NDST3: variants seen among roughly 807,000 people sequenced by gnomAD.
The protein encoded by NDST3 is N-deacetylase and N-sulfotransferase 3.
NDST3 carries 58 observed loss-of-function variants against 96.1 expected under a neutral mutation model. That is an observed-to-expected ratio of 0.60 (90% CI 0.49 to 0.75). NDST3 has a LOEUF of 0.75. Ranked by LOEUF, NDST3 falls within the 30% of genes least tolerant of loss-of-function variation. NDST3 has a pLI of 0.00. For missense variants in NDST3, 788 were observed against 1,034.2 expected (o/e 0.76, Z 3.27); for synonymous variants, 333 against 359.7 (o/e 0.93, Z 0.84).
chr4:118,185,690 T>C (rs1228434084), intron 6 of NDST3, among the ~76,000 whole-genome samples: 1 of 152,022 alleles, frequency 6.6e-6, no homozygotes, highest in Non-Finnish European at 1.5e-5. Context: ...GGAAGTGGGG[T>C]ACAGAAACAG....
chr4:118,212,703 G>A (rs1416530161), intron 6 of NDST3, among the ~76,000 whole-genome samples: 10 of 152,058 alleles, frequency 6.6e-5, no homozygotes, highest in Admixed American at 5.9e-4. Flanking sequence ...AAGGATGAAG[G>A]GTTTTCTGAA....
chr4:118,176,775 T>C (rs1736307133), intron 6 of NDST3, among the ~76,000 whole-genome samples: 1 of 152,102 alleles, frequency 6.6e-6, no homozygotes, highest in African/African-American at 2.4e-5. Flanking sequence ...TTAAAGAATT[T>C]ACATTTTACT....
intron 4 of NDST3, among the ~76,000 whole-genome samples, chr4:118,115,294 C>T (rs1374126562): frequency 6.6e-6 from 1 of 152,034 alleles, no homozygotes; most frequent in Non-Finnish European, 1.5e-5. Flanking sequence ...AACAATTCCC[C>T]AACAAAATGA....
intron 8 of NDST3, among the ~76,000 whole-genome samples, chr4:118,228,579 C>T (rs1740063552): frequency 6.6e-6 from 1 of 152,080 alleles, no homozygotes; most frequent in Non-Finnish European, 1.5e-5. Context: ...ATTGATTTTT[C>T]CCAGTTTTGT....
chr4:118,188,716 G>A (rs1255103085), intron 6 of NDST3, among the ~76,000 whole-genome samples: 1 of 152,162 alleles, frequency 6.6e-6, no homozygotes, highest in East Asian at 1.9e-4. Flanking sequence ...TCTTATCCAG[G>A]CTTCATAATA....
intron 6 of NDST3, among the ~76,000 whole-genome samples, chr4:118,199,562 T>C (rs956229797): frequency 2.6e-5 from 4 of 152,196 alleles, no homozygotes; most frequent in Non-Finnish European, 5.9e-5. Flanking sequence ...TGGTTTCTGG[T>C]GCCTTATTTA....
chr4:118,139,043 G>A (rs1733354505), intron 5 of NDST3, among the ~76,000 whole-genome samples: 1 of 152,122 alleles, frequency 6.6e-6, no homozygotes, highest in East Asian at 1.9e-4. Context: ...TTTAGAATTA[G>A]GTTATAACTG....
intron 4 of NDST3, among the ~76,000 whole-genome samples, chr4:118,122,921 G>A (rs183701116): frequency 1.7e-3 from 256 of 152,238 alleles, no homozygotes; most frequent in African/African-American, 5.8e-3. Flanking sequence ...GTGAAAGCTG[G>A]AGAAAGGGTT....
rs569382145 is a variant in NDST3 at position 118,205,919 on chromosome 4, G to A, written c.1540-18572G>A. Among the ~76,000 whole-genome samples, 8 of 135,106 alleles carry A rather than the reference G, an allele frequency of 5.9e-5. No individual in the cohort carries two copies. In the South Asian group the frequency reaches 8.0e-4, roughly 13 times the overall value. 88.6% of individuals were successfully genotyped at this position (135,106 alleles called of 152,430 possible). ...GCGATCTCGGCTCACTGCAAGCTCC[G>A]CCTCCCAGGTTCACACCCTTCTCCT... On this transcript the variant is annotated intron_variant, in intron 6 of 13. Transcript: ENST00000296499.
At chr4:118,173,790 CCTTTAAGGGTT>C (rs1400834577) in intron 6 of NDST3, among the ~76,000 whole-genome samples, 3 of 152,076 alleles carry the variant, frequency 2.0e-5, no homozygotes, top group Non-Finnish European at 2.9e-5. Context: ...GCCACTCTTT[CCTTTAAGGGTT>C]CTGGCTTGAT....
chr4:118,146,269 T>C (rs887731400), intron 6 of NDST3, among the ~76,000 whole-genome samples: 4 of 152,204 alleles, frequency 2.6e-5, no homozygotes, highest in Non-Finnish European at 4.4e-5. Flanking sequence ...GTTTAAGTAA[T>C]ACCCCAGGCC....
chr4:118,134,417 A>G (rs1453839303), intron 4 of NDST3, among the ~76,000 whole-genome samples: 2 of 152,238 alleles, frequency 1.3e-5, no homozygotes, highest in Non-Finnish European at 2.9e-5. Flanking sequence ...CAGGGAATGT[A>G]TTGGAAGGAA....
At chr4:118,253,403 A>T in intron 12 of NDST3, 96 bp from the exon 13 acceptor site, 1 of 671,752 alleles carries the variant, frequency 1.5e-6, no homozygotes, top group Non-Finnish European at 2.6e-6. Flanking sequence ...ATATTTATGT[A>T]TTGGTCACTA....
intron 4 of NDST3, among the ~76,000 whole-genome samples, chr4:118,125,005 G>T (rs1355741873): frequency 6.6e-6 from 1 of 151,828 alleles, no homozygotes; most frequent in African/African-American, 2.4e-5. Context: ...TTTTATGAGG[G>T]TTTCATTATA....
Position 118,257,554 on chromosome 4 carries a change from A to G in NDST3, c.*1842A>G, listed in dbSNP as rs1226836954. On this transcript the variant is annotated 3_prime_UTR_variant, in exon 14 of 14. Coordinates refer to ENST00000296499, the MANE Select transcript of NDST3 (RefSeq NM_004784.3). ...AAAGGTATGATTAGAAACAAATGGG[A>G]GGAAAACCCATAGTAAAAATATTTT... is the stretch of plus-strand genomic sequence containing the variant. 6.6e-6 allele frequency: 1 copy of G among 152,208 alleles called. No individual in the cohort carries two copies. Among genetic ancestry groups the G allele is most frequent in the East Asian group, 1.9e-4 (1 of 5,208 alleles). The allele number at this position is 152,208 out of a possible 1,614,324, so 9.4% of individuals were successfully genotyped here.
intron 1 of NDST3, among the ~76,000 whole-genome samples, chr4:118,047,354 C>T (rs1724830669): frequency 6.6e-6 from 1 of 152,182 alleles, no homozygotes; most frequent in South Asian, 2.1e-4. Context: ...GTCAGAGTGT[C>T]TCCTCATCTC....
chr4:118,255,153 C>A (rs755165627), intron 13 of NDST3, among the ~76,000 whole-genome samples: 7 of 152,136 alleles, frequency 4.6e-5, no homozygotes, highest in Non-Finnish European at 7.4e-5. Context: ...TTACTCTGGT[C>A]TAACACAGAC....
At chr4:118,099,163 G>A (rs1348481797) in intron 2 of NDST3, among the ~76,000 whole-genome samples, 1 of 152,070 alleles carries the variant, frequency 6.6e-6, no homozygotes, top group Non-Finnish European at 1.5e-5. Context: ...GAAAGGTTCA[G>A]TAACTTGTCC....
chr4:118,242,301 C>A, intron 12 of NDST3, 152 bp downstream of exon 12: 1 of 549,960 alleles, frequency 1.8e-6, no homozygotes, highest in Non-Finnish European at 3.2e-6. Context: ...AAAAACATTT[C>A]AACAGTGTGA....
Sources: allele counts gnomAD v4.1 joint callset (sites outside exome capture counted in the v4.1 genomes callset), GRCh38; gene constraint gnomAD v4.1.1; transcripts MANE v1.5; gene names NCBI Gene and HGNC (gene_info 2026-07-23, HGNC 2026-07-21).